The following PCARE variants were observed in gnomAD, a reference collection of about 807,000 sequenced individuals.
The protein encoded by PCARE is photoreceptor cilium actin regulator, also known as uncharacterized protein C2orf71.
A neutral mutation model predicts 82.2 loss-of-function variants in PCARE; 72 were observed. The observed-to-expected ratio is 0.88, with a 90% CI of 0.72 to 1.07. PCARE has a LOEUF of 1.07. Ranked by LOEUF, PCARE falls within the 50% of genes least tolerant of loss-of-function variation. PCARE has a pLI of 0.00. For synonymous variants in PCARE, 705 were observed against 634.8 expected (o/e 1.11, Z -1.66); for missense variants, 1,768 against 1,592.4 (o/e 1.11, Z -1.88).
rs778041277 is a variant in PCARE at position 29,072,769 on chromosome 2, C to T, written c.1493G>A (p.Ser498Asn). 12 of 1,613,958 alleles carry T rather than the reference C, an allele frequency of 7.4e-6. No individual in the cohort carries two copies. Among genetic ancestry groups the T allele is most frequent in the African/African-American group, 2.7e-5 (2 of 74,874 alleles). The change falls in exon 1 of 2, where the codon AGC becomes AAC. Residue 498 changes from serine to asparagine, a missense_variant. Coordinates refer to ENST00000331664, the MANE Select transcript of PCARE (RefSeq NM_001029883.3). Reference protein sequence around the residue: ...SPEEEEEDKMSSMSLCAWQEK... With the variant: ...SPEEEEEDKMNSMSLCAWQEK... Reference sequence around the variant, plus strand: ...CTGCCAGGCACACAGACTCATGCTGCTCATTTTGTCTTCCTCCTCCTCCTC... The same window carrying T: ...CTGCCAGGCACACAGACTCATGCTGTTCATTTTGTCTTCCTCCTCCTCCTC...
Position 29,071,134 on chromosome 2 carries a change from G to A in PCARE, c.3128C>T (p.Thr1043Ile). The change falls in exon 1 of 2, where the codon ACC (threonine) becomes ATC (isoleucine). Residue 1043 changes from threonine to isoleucine, a missense_variant. Coordinates refer to ENST00000331664, the MANE Select transcript of PCARE (RefSeq NM_001029883.3). ...CGGTGGGGAAGTTCGCCGCTTTGTG[G>A]TGGGTGGGCTTAGCACCCTGGGGCT... is the stretch of plus-strand genomic sequence containing the variant. ...PVSPRVLSPP[T>I]TKRRTSPPHQ... 1 of 1,586,198 alleles carries A rather than the reference G, an allele frequency of 6.3e-7. No individual in the cohort carries two copies. The highest frequency in any genetic ancestry group is 8.6e-7 in the Non-Finnish European group (1 of 1,165,920).
Position 29,071,466 on chromosome 2 carries a change from T to C in PCARE, c.2796A>G (p.Gln932=). 1 of 1,612,396 alleles carries C rather than the reference T, an allele frequency of 6.2e-7. No homozygotes were observed. The highest frequency in any genetic ancestry group is 8.5e-7 in the Non-Finnish European group (1 of 1,179,960). Reference sequence around the variant, plus strand: ...AAGTCCCACCCTTCACCTCGGGGCTTTGGCTGGTGGCTGGTGGGCTGCTCA... The same window carrying C: ...AAGTCCCACCCTTCACCTCGGGGCTCTGGCTGGTGGCTGGTGGGCTGCTCA... The part of the protein sequence containing the change: ...LDLSSPPATS[Q]SPEVKGGTWS... Residue 932 remains glutamine, a synonymous_variant, in exon 1 of 2, where the codon CAA becomes CAG. Coordinates refer to ENST00000331664, the MANE Select transcript of PCARE (RefSeq NM_001029883.3).
rs954144109 is a variant in PCARE, at chr2:29,064,998, G to T, written c.3738C>A (p.Gly1246=). The part of the protein sequence containing the change: ...GSSPCSPELQ[G]GTRRASPPEF... The stretch of plus-strand genomic sequence containing the variant: ...CTGGGGGAGATGCACGCCTGGTGCC[G>T]CCCTGCAGTTCAGGGGAACAGGGGC... Residue 1246 remains glycine (G), a synonymous_variant, in exon 2 of 2, where the codon GGC becomes GGA. Coordinates refer to ENST00000331664, the MANE Select transcript of PCARE (RefSeq NM_001029883.3). 1 of 1,572,538 alleles carries T rather than the reference G, an allele frequency of 6.4e-7. No homozygotes were observed.
chr2:29,066,212 G>A (rs1667387314), intron 1 of PCARE, among the ~76,000 whole-genome samples: 1 of 152,172 alleles, frequency 6.6e-6, no homozygotes, highest in Admixed American at 6.5e-5. Context: ...GCACTCATAG[G>A]TATCAATACT....
In PCARE at chr2:29,072,034, C is replaced by G. The variant is rs369823170; in HGVS notation, c.2228G>C (p.Ser743Thr). ...KLIETFSPTESLRMLGDSKDA... is the reference protein window; with the variant it reads ...KLIETFSPTETLRMLGDSKDA... ...CTTAGAGTCCCCCAGCATCCTCAGA[C>G]TCTCCGTGGGACTGAAAGTTTCAAT... The change falls in exon 1 of 2, where the codon AGT becomes ACT. Residue 743 changes from serine to threonine, a missense_variant. By Grantham distance (58) the Ser-to-Thr change is moderately conservative. Coordinates refer to ENST00000331664, the MANE Select transcript of PCARE (RefSeq NM_001029883.3). 1.3e-5 allele frequency: 21 copies of G among 1,614,210 alleles called. No homozygotes were observed. Among genetic ancestry groups the G allele is most frequent in the Non-Finnish European group, 1.7e-5 (20 of 1,180,020 alleles).
Position 29,064,805 on chromosome 2 carries a change from A to G in PCARE, c.*64T>C. The G allele has an allele frequency of 6.3e-7, 1 of 1,597,218 alleles. No homozygotes were observed. On this transcript the variant is annotated 3_prime_UTR_variant, in exon 2 of 2. Transcript: ENST00000331664. ...GCCCATCATCTCTGGGTCAGGCTGG[A>G]CACTTGGCTGTCACACTTGGCCTTC...
chr2:29,072,630 C>T lies in PCARE; in HGVS notation c.1632G>A (p.Met544Ile). Residue 544 changes from methionine to isoleucine, a missense_variant, in exon 1 of 2, where the codon ATG becomes ATA. Transcript: ENST00000331664. ...SLQAQEMILK[M>I]KESISERIKF... ...TGATCCTTTCGCTGATTGACTCCTTCATCTTCAGAATCATTTCCTGGGCCT... is the reference window on the plus strand; with the variant it reads ...TGATCCTTTCGCTGATTGACTCCTTTATCTTCAGAATCATTTCCTGGGCCT... 1 of 1,614,140 alleles carries T rather than the reference C, an allele frequency of 6.2e-7. No individual in the cohort carries two copies. Among genetic ancestry groups the T allele is most frequent in the South Asian group, 1.1e-5 (1 of 91,078 alleles).
Position 29,073,954 on chromosome 2 carries a change from A to G in PCARE, c.308T>C (p.Leu103Pro), listed in dbSNP as rs367745882. The G allele has an allele frequency of 1.9e-5, 31 of 1,614,088 alleles. No individual in the cohort carries two copies. Among genetic ancestry groups the G allele is most frequent in the Non-Finnish European group, 7.6e-6 (9 of 1,180,028 alleles). The change falls in exon 1 of 2, where the codon CTG (leucine) becomes CCG (proline). Residue 103 changes from leucine (L) to proline (P), a missense_variant. Leu to Pro is a moderately conservative substitution (Grantham distance 98). Coordinates refer to ENST00000331664, the MANE Select transcript of PCARE (RefSeq NM_001029883.3). ...AGCCATGTGGCTTTGTGATTTGTTC[A>G]GCTGGGATGAAGAGGTTTTGGTTCC... ...IPGTKTSSSQ[L>P]NKSQSHMAKD... is the part of the protein sequence containing the mutation.
chr2:29,070,409 A>C (rs1444586821), intron 1 of PCARE, among the ~76,000 whole-genome samples, 185 bp downstream of exon 1: 2 of 152,132 alleles, frequency 1.3e-5, no homozygotes, highest in Non-Finnish European at 2.9e-5. Flanking sequence ...AACAGATAAG[A>C]GCACAGTAAC....
chr2:29,071,069 G>C lies in PCARE; in HGVS notation c.3193C>G (p.Pro1065Ala). ...KLPNPPPESAPAQCKVPSPPT... is the reference protein window; with the variant it reads ...KLPNPPPESAAAQCKVPSPPT... ...GGGCTGGGGACCTTGCACTGAGCAG[G>C]TGCACTCTCGGGGGGAGGGTTGGGC... The change falls in exon 1 of 2, where the codon CCT becomes GCT. Residue 1065 changes from proline (P) to alanine (A), a missense_variant. Physicochemically the swap from Pro to Ala is conservative, Grantham distance 27. Transcript: ENST00000331664. The C allele has an allele frequency of 6.4e-7, 1 of 1,552,790 alleles. No individual in the cohort carries two copies. Among genetic ancestry groups the C allele is most frequent in the Non-Finnish European group, 8.7e-7 (1 of 1,147,564 alleles).
rs1381708982 is a variant in PCARE, at chr2:29,071,542, C to T, written c.2720G>A (p.Gly907Glu). 9 of 1,610,454 alleles carry T rather than the reference C, an allele frequency of 5.6e-6. No homozygotes were observed. The Admixed American group carries it at 1.3e-4, about 24-fold the overall frequency. The change falls in exon 1 of 2, where the codon GGG (glycine) becomes GAG (glutamate). Residue 907 changes from glycine to glutamate, a missense_variant. Physicochemically the swap from Gly to Glu is moderately conservative, Grantham distance 98. Transcript: ENST00000331664. ...GCAGCTGCTCCTGCCACTCCCTGGC[C>T]CTGTGCTGTGAGGCTTGGTCAGGCT... ...TASLTKPHSTGPGSGRSSCQP... is the reference protein window; with the variant it reads ...TASLTKPHSTEPGSGRSSCQP...
At chr2:29,070,450 G>C in intron 1 of PCARE, 144 bp downstream of exon 1, 1 of 1,017,886 alleles carries the variant, frequency 9.8e-7, no homozygotes, top group Non-Finnish European at 1.5e-6. Context: ...AGCTGGAACT[G>C]CCCCCTACAC....
Position 29,074,458 on chromosome 2 carries a change from A to G in PCARE, c.-197T>C, listed in dbSNP as rs1320135560. Reference sequence around the variant, plus strand: ...GGTCCAAATGTGAAGAGGGAGTGGTACCTGTCGTCCTGTTGTTGTTCTAAG... The same window carrying G: ...GGTCCAAATGTGAAGAGGGAGTGGTGCCTGTCGTCCTGTTGTTGTTCTAAG... On this transcript the variant is annotated 5_prime_UTR_variant, in exon 1 of 2. Transcript: ENST00000331664. 6.8e-6 allele frequency among the ~76,000 whole-genome samples: 1 copy of G among 147,910 alleles called. No homozygotes were observed. The highest frequency in any genetic ancestry group is 1.5e-5 in the Non-Finnish European group (1 of 64,878).
At chr2:29,067,215 C>A (rs914237738) in intron 1 of PCARE, among the ~76,000 whole-genome samples, 4 of 152,202 alleles carry the variant, frequency 2.6e-5, no homozygotes, top group Non-Finnish European at 5.9e-5. Flanking sequence ...GGCTTCCTGG[C>A]ACTGGCTTGT....
Position 29,073,855 on chromosome 2 carries a change from T to A in PCARE, c.407A>T (p.Glu136Val). The stretch of plus-strand genomic sequence containing the variant: ...TTTGGAAGTATCTTGGGTACTACTT[T>A]CCTCACTCTCATCTCCAGAAAAGTC... ...GADFSGDESE[E>V]SSTQDTSKWK... The change falls in exon 1 of 2, where the codon GAA becomes GTA. Residue 136 changes from glutamate to valine, a missense_variant. Physicochemically the swap from Glu to Val is moderately radical, Grantham distance 121. Coordinates refer to ENST00000331664, the MANE Select transcript of PCARE (RefSeq NM_001029883.3). The A allele has an allele frequency of 1.9e-6, 3 of 1,614,244 alleles. No homozygotes were observed. The highest frequency in any genetic ancestry group is 2.5e-6 in the Non-Finnish European group (3 of 1,180,042).
In PCARE at chr2:29,071,623, G is replaced by A. The variant is rs577130359; in HGVS notation, c.2639C>T (p.Pro880Leu). ...AGPTRRTWASPKLRASVSPLD... is the reference protein window; with the variant it reads ...AGPTRRTWASLKLRASVSPLD... Reference sequence around the variant, plus strand: ...GGGGCTCACAGAGGCCCTCAGCTTTGGGGAAGCCCATGTTCTCCTGGTGGG... The same window carrying A: ...GGGGCTCACAGAGGCCCTCAGCTTTAGGGAAGCCCATGTTCTCCTGGTGGG... The change falls in exon 1 of 2, where the codon CCA becomes CTA. Residue 880 changes from proline (P) to leucine (L), a missense_variant. By Grantham distance (98) the Pro-to-Leu change is moderately conservative. Coordinates refer to ENST00000331664, the MANE Select transcript of PCARE (RefSeq NM_001029883.3). 5 of 1,613,496 alleles carry A rather than the reference G, an allele frequency of 3.1e-6. No individual in the cohort carries two copies. The African/African-American group carries it at 6.7e-5, about 22-fold the overall frequency.
rs776601357 is a variant in PCARE at position 29,074,264 on chromosome 2, T to C, written c.-3A>G. Reference sequence around the variant, plus strand: ...CTGTGTGAAGGTGTACACCCCATGATTTCAGCTTGTAGTCATCTTCCACCC... The same window carrying C: ...CTGTGTGAAGGTGTACACCCCATGACTTCAGCTTGTAGTCATCTTCCACCC... On this transcript the variant is annotated 5_prime_UTR_variant, in exon 1 of 2. Transcript: ENST00000331664. 28 of 1,525,080 alleles carry C rather than the reference T, an allele frequency of 1.8e-5. No homozygotes were observed. The South Asian group carries it at 2.9e-4, about 16-fold the overall frequency. 94.5% of individuals were successfully genotyped at this position (1,525,080 alleles called of 1,614,324 possible). A position where few individuals can be genotyped will look rare whatever the true frequency, so the allele number is the denominator to read the frequency against.
At position 29,064,923 on chromosome 2, in the gene PCARE, G is replaced by A. The variant is rs369662857; in HGVS notation, c.3813C>T (p.His1271=). ...CCTCTGGCTGGGATTTGTCCTGGAT[G>A]TGGCCGGTCCGAGGCTCCGGTTGCA... ...HGLQPEPRTG[H]IQDKSQPEAQ... The change falls in exon 2 of 2, where the codon CAC becomes CAT. Residue 1271 remains histidine, a synonymous_variant. Coordinates refer to ENST00000331664, the MANE Select transcript of PCARE (RefSeq NM_001029883.3). 4 of 1,611,932 alleles carry A rather than the reference G, an allele frequency of 2.5e-6. No individual in the cohort carries two copies. The highest frequency in any genetic ancestry group is 1.3e-5 in the African/African-American group (1 of 74,998).
rs767325646 is a variant in PCARE at position 29,074,101 on chromosome 2, C to T, written c.161G>A (p.Gly54Glu). The part of the protein sequence containing the change: ...LVKNSTCYDA[G>E]EGLAEEQPSP... ...TGGCTGCTCCTCTGCCAGGCCCTCC[C>T]CAGCGTCATAGCAGGTGGAGTTTTT... The change falls in exon 1 of 2, where the codon GGG becomes GAG. Residue 54 changes from glycine to glutamate, a missense_variant. Gly to Glu is a moderately conservative substitution (Grantham distance 98, BLOSUM62 -2). Transcript: ENST00000331664. 2 of 1,614,184 alleles carry T rather than the reference C, an allele frequency of 1.2e-6. No homozygotes were observed. The highest frequency in any genetic ancestry group is 1.7e-6 in the Non-Finnish European group (2 of 1,180,030).
Sources: allele counts gnomAD v4.1 joint callset (sites outside exome capture counted in the v4.1 genomes callset), GRCh38; gene constraint gnomAD v4.1.1; transcripts MANE v1.5; gene names NCBI Gene and HGNC (gene_info 2026-07-23, HGNC 2026-07-21).